Variants in FRMD6 observed in about 807,000 individuals in gnomAD.
The protein encoded by FRMD6 is FERM domain-containing protein 6.
In FRMD6, 37 loss-of-function variants were observed where a neutral mutation model predicts 73.2. The ratio of observed to expected loss-of-function variants is 0.51; its 90% CI spans 0.39 to 0.66. The LOEUF is 0.66. Ranked by LOEUF, FRMD6 falls within the 30% of genes least tolerant of loss-of-function variation. The pLI is 0.00. For missense variants in FRMD6, 714 were observed against 780.5 expected, an observed-to-expected ratio of 0.91 and a Z score of 1.02; for synonymous variants, 273 against 282.2, an observed-to-expected ratio of 0.97 and a Z score of 0.33.
At chr14:51,623,640 G>A (rs1162040419) in intron 2 of FRMD6, among the ~76,000 whole-genome samples, 2 of 152,106 alleles carry the variant, frequency 1.3e-5, no homozygotes, top group Non-Finnish European at 2.9e-5. Context: ...ACAGTTTCCT[G>A]GAAGACCTTT....
intron 2 of FRMD6, among the ~76,000 whole-genome samples, chr14:51,645,568 C>CT (rs1357407844): frequency 1.3e-5 from 2 of 152,138 alleles, no homozygotes; most frequent in African/African-American, 4.8e-5. Context: ...TGAGGAGTAG[C>CT]TGGGACCATA....
At chr14:51,576,186 A>G (rs1888393694) in intron 2 of FRMD6, 1 of 152,316 alleles carries the variant, frequency 6.6e-6, no homozygotes, top group Non-Finnish European at 1.5e-5. Context: ...ACGAGGAATC[A>G]CAAAGCAAAC....
At chr14:51,679,396 G>C (rs1396294056) in intron 1 of FRMD6, among the ~76,000 whole-genome samples, 1 of 150,454 alleles carries the variant, frequency 6.6e-6, no homozygotes, top group Non-Finnish European at 1.5e-5. Context: ...TAATGCATAT[G>C]TAGCATATAG....
chr14:51,634,433 C>G (rs1891465766), intron 2 of FRMD6, among the ~76,000 whole-genome samples: 1 of 152,206 alleles, frequency 6.6e-6, no homozygotes, highest in Admixed American at 6.5e-5. Flanking sequence ...TCCGAATTAT[C>G]TCTATCCCCT....
At chr14:51,426,656 G>A in the FRMD6 span, among the ~76,000 whole-genome samples, 2 of 152,312 alleles carry the variant, frequency 1.3e-5, no homozygotes, top group African/African-American at 4.8e-5. Context: ...AGTAGGATAA[G>A]AGATGCCAGG....
intron 12 of FRMD6, chr14:51,724,252 G>A (rs1331417022): frequency 6.6e-6 from 1 of 151,740 alleles, no homozygotes; most frequent in Non-Finnish European, 1.5e-5. Flanking sequence ...TAGTGATGAA[G>A]TATACCACAC....
chr14:51,533,857 C>A (rs10136683), intron 1 of FRMD6, among the ~76,000 whole-genome samples: 54,141 of 151,998 alleles, frequency 0.36, 10,229 homozygotes, highest in African/African-American at 0.5. Context: ...CTTGTCACTG[C>A]ACACTGACAA....
intron 2 of FRMD6, among the ~76,000 whole-genome samples, chr14:51,603,300 C>T (rs536187906): frequency 7.9e-4 from 120 of 152,326 alleles, no homozygotes; most frequent in African/African-American, 2.8e-3. Flanking sequence ...TGGACTAAGA[C>T]AAGTGGCATA....
the FRMD6 span, among the ~76,000 whole-genome samples, chr14:51,453,673 A>G: frequency 6.6e-6 from 1 of 152,200 alleles, no homozygotes; most frequent in African/African-American, 2.4e-5. Flanking sequence ...GCATGCACAC[A>G]TACATACACG....
At chr14:51,657,513 A>T (rs1269913479) in intron 1 of FRMD6, among the ~76,000 whole-genome samples, 1 of 152,206 alleles carries the variant, frequency 6.6e-6, no homozygotes, top group African/African-American at 2.4e-5. Context: ...ATGTCATGTG[A>T]TATATCCAAA....
chr14:51,416,583 A>G, the FRMD6 span, among the ~76,000 whole-genome samples: 1 of 152,178 alleles, frequency 6.6e-6, no homozygotes, highest in African/African-American at 2.4e-5. Flanking sequence ...CTATGTGGTC[A>G]ATTTTGGAAT....
chr14:51,506,519 G>T (rs1883972096), intron 1 of FRMD6, among the ~76,000 whole-genome samples: 1 of 152,222 alleles, frequency 6.6e-6, no homozygotes. Context: ...GACTGGAAGA[G>T]ATTAAAAAGA....
At chr14:51,681,280 A>G (rs956751766) in intron 1 of FRMD6, among the ~76,000 whole-genome samples, 1 of 152,230 alleles carries the variant, frequency 6.6e-6, no homozygotes, top group African/African-American at 2.4e-5. Context: ...ATTTATTTAG[A>G]TTTCAAGATA....
chr14:51,641,109 T>C (rs1004672512), intron 2 of FRMD6, among the ~76,000 whole-genome samples: 2 of 152,132 alleles, frequency 1.3e-5, no homozygotes, highest in African/African-American at 4.8e-5. Flanking sequence ...TAGCTGGGAT[T>C]ATAGGCGATG....
At chr14:51,557,253 T>C (rs1887186777) in intron 1 of FRMD6, among the ~76,000 whole-genome samples, 1 of 151,016 alleles carries the variant, frequency 6.6e-6, no homozygotes, top group African/African-American at 2.4e-5. Context: ...GACATATATA[T>C]ATATATATAT....
chr14:51,488,141 G>T (rs1882817019), upstream of FRMD6, among the ~76,000 whole-genome samples: 1 of 152,174 alleles, frequency 6.6e-6, no homozygotes, highest in Non-Finnish European at 1.5e-5. Flanking sequence ...ACAGCAGAAT[G>T]AGAACCTCCC....
chr14:51,525,876 C>T (rs146544190), intron 1 of FRMD6, among the ~76,000 whole-genome samples: 126 of 152,234 alleles, frequency 8.3e-4, no homozygotes, highest in African/African-American at 2.9e-3. Flanking sequence ...ACTCTGCCCT[C>T]AGGAAGTTGA....
intron 6 of FRMD6, among the ~76,000 whole-genome samples, chr14:51,705,997 C>T (rs1265749787): frequency 1.3e-5 from 2 of 152,022 alleles, no homozygotes; most frequent in African/African-American, 4.8e-5. Flanking sequence ...TCCCCTATAT[C>T]CATAAGGTAG....
In FRMD6 at chr14:51,528,630, T is replaced by C. The variant is rs192611074; in HGVS notation, c.-210+39210T>C. Among the ~76,000 whole-genome samples, 172 of 152,256 alleles carry C rather than the reference T, an allele frequency of 1.1e-3. 1 individual carries two copies. Among genetic ancestry groups the C allele is most frequent in the Admixed American group, 0.01 (153 of 15,282 alleles). On this transcript the variant is annotated intron_variant, in intron 1 of 14. Transcript: ENST00000356218. Reference sequence around the variant, plus strand: ...TATTGGGTTTCCATGTGAGATTGCATTGGGGAAAGAGGGTAGGCTTGTGTT... The same window carrying C: ...TATTGGGTTTCCATGTGAGATTGCACTGGGGAAAGAGGGTAGGCTTGTGTT...
Sources: allele counts gnomAD v4.1 joint callset (sites outside exome capture counted in the v4.1 genomes callset), GRCh38; gene constraint gnomAD v4.1.1; transcripts MANE v1.5; gene names NCBI Gene and HGNC (gene_info 2026-07-23, HGNC 2026-07-21).